DPH7: variants seen among roughly 807,000 people sequenced by gnomAD.
The protein encoded by DPH7 is diphthamide biosynthesis 7.
Under a neutral mutation model 41.7 loss-of-function variants are expected in DPH7, and 44 were observed. That is an observed-to-expected ratio of 1.05 (90% CI 0.83 to 1.36). The LOEUF is 1.36. DPH7 is among the 40% of genes most tolerant of loss of function. DPH7 has a pLI of 0.00. For missense variants in DPH7, 629 were observed against 577.5 expected (o/e 1.09, Z -0.91); for synonymous variants, 275 against 238.0 (o/e 1.16, Z -1.43).
intron 8 of DPH7, among the ~76,000 whole-genome samples, chr9:137,562,520 A>T (rs1838804850): frequency 6.6e-6 from 1 of 152,256 alleles, no homozygotes; most frequent in Admixed American, 6.5e-5. Context: ...TGAAAATAAA[A>T]ATACAACATA....
chr9:137,578,358 G>C (rs149074424), intron 1 of DPH7, among the ~76,000 whole-genome samples: 1,923 of 152,248 alleles, frequency 0.013, 37 homozygotes, highest in African/African-American at 0.044. Context: ...AGTAGAGACG[G>C]GGTTTCACCA....
At chr9:137,560,005 G>C (rs1488313414) in intron 8 of DPH7, among the ~76,000 whole-genome samples, 3 of 152,174 alleles carry the variant, frequency 2.0e-5, no homozygotes, top group Non-Finnish European at 2.9e-5. Flanking sequence ...CACACTTAAA[G>C]TGGCTAAAAT....
In DPH7 at chr9:137,564,586, A is replaced by C; in HGVS notation, c.797T>G (p.Leu266Arg). 7.4e-6 allele frequency: 12 copies of C among 1,613,414 alleles called. No homozygotes were observed. The highest frequency in any genetic ancestry group is 1.3e-5 in the African/African-American group (1 of 75,052). Residue 266 changes from leucine to arginine, a missense_variant, in exon 8 of 9, where the codon CTG becomes CGG. Transcript: ENST00000277540. ...ATGSYDEHILLWDTRNMKQPL... is the reference protein window; with the variant it reads ...ATGSYDEHILRWDTRNMKQPL... ...CTGCTTCATGTTTCGTGTGTCCCAC[A>C]GTAGGATGTGTTCATCATAGCTGAA...
At chr9:137,562,558 A>G (rs1008007413) in intron 8 of DPH7, among the ~76,000 whole-genome samples, 1 of 152,254 alleles carries the variant, frequency 6.6e-6, no homozygotes. Flanking sequence ...CAGCAAAAGC[A>G]GTGCTCAGAG....
chr9:137,574,290 C>A lies in DPH7; in HGVS notation c.558G>T (p.Gln186His). The change falls in exon 5 of 9, where the codon CAG becomes CAT. Residue 186 changes from glutamine to histidine, a missense_variant. Physicochemically the swap from Gln to His is conservative, Grantham distance 24 (BLOSUM62 0). Coordinates refer to ENST00000277540, the MANE Select transcript of DPH7 (RefSeq NM_138778.5). ...GATGTGCCTGCCATGAGGCCACTTT[C>A]TGCAGCCTGGGCCTCGTCTCATTCA... Reference protein sequence around the residue: ...LMVNETRPRLQKVASWQAHQF... With the variant: ...LMVNETRPRLHKVASWQAHQF... 1 of 1,614,220 alleles carries A rather than the reference C, an allele frequency of 6.2e-7. No homozygotes were observed. The highest frequency in any genetic ancestry group is 1.6e-4 in the Middle Eastern group (1 of 6,062).
At chr9:137,574,650 C>T in intron 4 of DPH7, 102 bp downstream of exon 4, 1 of 1,143,360 alleles carries the variant, frequency 8.7e-7, no homozygotes, top group Non-Finnish European at 1.3e-6. Flanking sequence ...GGCTGAGGAG[C>T]ACAGTCGCAG....
chr9:137,573,840 G>A (rs552213466), intron 5 of DPH7, among the ~76,000 whole-genome samples: 1 of 152,244 alleles, frequency 6.6e-6, no homozygotes, highest in East Asian at 1.9e-4. Flanking sequence ...GGCTGAGGTG[G>A]GCGCATCATG....
At position 137,564,614 on chromosome 9, in the gene DPH7, C is replaced by T. The variant is rs758595341; in HGVS notation, c.777-8G>A. On this transcript the variant is annotated splice_region_variant and splice_polypyrimidine_tract_variant and intron_variant, in intron 7 of 8. Coordinates refer to ENST00000277540, the MANE Select transcript of DPH7 (RefSeq NM_138778.5). ...AGGATGTGTTCATCATAGCTGAAACCGACCAACCACAGGAGGCATATAAGG... is the reference window on the plus strand; with the variant it reads ...AGGATGTGTTCATCATAGCTGAAACTGACCAACCACAGGAGGCATATAAGG... 1.1e-5 allele frequency: 18 copies of T among 1,605,972 alleles called. No individual in the cohort carries two copies. The highest frequency in any genetic ancestry group is 2.7e-5 in the African/African-American group (2 of 74,788).
chr9:137,564,791 G>T, intron 7 of DPH7, 102 bp downstream of exon 7: 1 of 1,450,534 alleles, frequency 6.9e-7, no homozygotes, highest in Non-Finnish European at 9.4e-7. Flanking sequence ...ATGCTGCAAT[G>T]GTGCCAGGAG....
intron 2 of DPH7, 65 bp from the exon 3 acceptor site, chr9:137,576,232 C>T (rs1841367179): frequency 1.2e-5 from 17 of 1,443,186 alleles, no homozygotes; most frequent in African/African-American, 2.8e-5. Context: ...CTGTGCGTCC[C>T]GGTAACCACA....
intron 8 of DPH7, among the ~76,000 whole-genome samples, chr9:137,557,144 G>A (rs1345513451): frequency 6.6e-6 from 1 of 152,154 alleles, no homozygotes; most frequent in Non-Finnish European, 1.5e-5. Flanking sequence ...CCCGGCTCAA[G>A]CAATCCGCCC....
chr9:137,565,010 G>A, intron 6 of DPH7, 52 bp from the exon 7 acceptor site: 1 of 1,607,276 alleles, frequency 6.2e-7, no homozygotes, highest in Non-Finnish European at 8.5e-7. Context: ...GACCCACCCA[G>A]GGAACGGGAG....
At position 137,578,647 on chromosome 9, in the gene DPH7, C is replaced by G. The variant is rs1478731579; in HGVS notation, c.131G>C (p.Arg44Pro). The G allele has an allele frequency of 9.2e-6, 14 of 1,516,750 alleles. No individual in the cohort carries two copies. Among genetic ancestry groups the G allele is most frequent in the African/African-American group, 1.4e-5 (1 of 69,720 alleles). The allele number at this position is 1,516,750 out of a possible 1,614,324, so 94.0% of individuals were successfully genotyped here. Residue 44 changes from arginine (R) to proline (P), a missense_variant, in exon 1 of 9, where the codon CGG (arginine) becomes CCG (proline). Transcript: ENST00000277540. ...CACCTTGTTCTGGGGGCCGGCAGGC[C>G]GGTCCTCCGGCCGCCGCAGCTGGTA... ...GTYQLRRPED[R>P]PAGPQNKGGM...
chr9:137,557,733 C>G (rs189785751), intron 8 of DPH7, among the ~76,000 whole-genome samples: 2 of 151,330 alleles, frequency 1.3e-5, no homozygotes, highest in Admixed American at 1.3e-4. Context: ...GCAGGAGAAT[C>G]CCCTGAACCT....
intron 3 of DPH7, 155 bp from the exon 4 acceptor site, chr9:137,574,998 A>G (rs1022113534): frequency 7.0e-7 from 1 of 1,432,700 alleles, no homozygotes; most frequent in African/African-American, 1.4e-5. Context: ...CCTAACACTG[A>G]AACCCCTGCT....
At chr9:137,557,428 CGTGGG>C (rs1303781514) in intron 8 of DPH7, among the ~76,000 whole-genome samples, 44 of 152,136 alleles carry the variant, frequency 2.9e-4, no homozygotes, top group African/African-American at 1.1e-3. Context: ...ATTGCTTGAA[CGTGGG>C]AGGTGGAGGT....
chr9:137,563,291 G>C (rs775906469), intron 8 of DPH7, among the ~76,000 whole-genome samples: 1 of 152,120 alleles, frequency 6.6e-6, no homozygotes, highest in South Asian at 2.1e-4. Context: ...CTAACACTTC[G>C]GGAGGCCAAG....
In DPH7 at chr9:137,578,844, C is replaced by T. The variant is rs1447998256; in HGVS notation, c.-67G>A. Reference sequence around the variant, plus strand: ...GTCGGCGGGGCCGGGCTGGGTACTGCGCGGGGCGGCGAGGCCGGGGCCGGC... The same window carrying T: ...GTCGGCGGGGCCGGGCTGGGTACTGTGCGGGGCGGCGAGGCCGGGGCCGGC... On this transcript the variant is annotated 5_prime_UTR_variant, in exon 1 of 9. Transcript: ENST00000277540. 4 of 1,328,296 alleles carry T rather than the reference C, an allele frequency of 3.0e-6. No individual in the cohort carries two copies. In the East Asian group the frequency reaches 9.4e-5, roughly 31 times the overall value. The allele number at this position is 1,328,296 out of a possible 1,614,324, so 82.3% of individuals were successfully genotyped here.
intron 6 of DPH7, 35 bp from the exon 7 acceptor site, chr9:137,564,993 G>A (rs1181043924): frequency 6.2e-7 from 1 of 1,602,102 alleles, no homozygotes; most frequent in Non-Finnish European, 8.5e-7. Context: ...CCAGTGTCCA[G>A]CACACAGACC....
Sources: gnomAD v4.1 joint callset for allele counts (sites outside exome capture counted in the v4.1 genomes callset) on GRCh38, gnomAD v4.1.1 for gene constraint, MANE v1.5 for transcripts, NCBI Gene and HGNC (gene_info 2026-07-23, HGNC 2026-07-21) for gene names.